BABAM2: variants seen among roughly 807,000 people sequenced by gnomAD.
BABAM2 encodes BRISC and BRCA1 A complex member 2.
In BABAM2, 31 loss-of-function variants were observed where a neutral mutation model predicts 54.7. The ratio of observed to expected loss-of-function variants is 0.57; its 90% CI spans 0.43 to 0.77. The LOEUF (loss-of-function observed/expected upper bound fraction) is 0.77. BABAM2 is among the 30% of genes least tolerant of loss of function. The pLI is 0.00. For missense variants in BABAM2, 364 were observed against 455.8 expected, an observed-to-expected ratio of 0.80 and a Z score of 1.83; for synonymous variants, 167 against 162.9, an observed-to-expected ratio of 1.03 and a Z score of -0.19.
chr2:27,915,438 A>C (rs950257869), intron 2 of BABAM2, among the ~76,000 whole-genome samples: 2 of 152,200 alleles, frequency 1.3e-5, no homozygotes, highest in African/African-American at 2.4e-5. Context: ...TTATTTTACA[A>C]ATGAGAACAC....
At chr2:28,105,025 A>G (rs1451448455) in intron 6 of BABAM2, among the ~76,000 whole-genome samples, 2 of 131,832 alleles carry the variant, frequency 1.5e-5, no homozygotes, top group African/African-American at 2.9e-5. Flanking sequence ...AACATCACAC[A>G]TCGGGGCCTG....
intron 6 of BABAM2, among the ~76,000 whole-genome samples, chr2:28,080,322 G>GA (rs1665052506): frequency 6.6e-6 from 1 of 151,990 alleles, no homozygotes; most frequent in Non-Finnish European, 1.5e-5. Flanking sequence ...CAGCATTTCA[G>GA]AAAAAGCATT....
intron 10 of BABAM2, among the ~76,000 whole-genome samples, chr2:28,259,423 T>C (rs1684299883): frequency 6.6e-6 from 1 of 152,184 alleles, no homozygotes; most frequent in African/African-American, 2.4e-5. Flanking sequence ...GGTCTTGCTA[T>C]GCTGCCCAGG....
chr2:28,144,487 G>A (rs1429642667), intron 7 of BABAM2, among the ~76,000 whole-genome samples: 2 of 152,146 alleles, frequency 1.3e-5, no homozygotes, highest in Admixed American at 1.3e-4. Flanking sequence ...CATGATAGCT[G>A]TAACCATCCA....
rs1684554483 is a variant in BABAM2 at position 28,261,726 on chromosome 2, T to C, written c.934+16864T>C. Among the ~76,000 whole-genome samples, 3 of 151,938 alleles carry C rather than the reference T, an allele frequency of 2.0e-5. No individual in the cohort carries two copies. In the South Asian group the frequency reaches 6.2e-4, roughly 32 times the overall value. On this transcript the variant is annotated intron_variant, in intron 10 of 11. Coordinates refer to ENST00000379624, the MANE Select transcript of BABAM2 (RefSeq NM_199191.3). ...TTCCAGTGTGAGTTTTGTCCTTCCT[T>C]CCTTCTTCCCTTCCTTTCTCTCCCC...
rs1228337173 is a variant in BABAM2, at chr2:28,132,026, A to G, written c.680+2646A>G. Reference sequence around the variant, plus strand: ...CTTGCTAATGAAATAGTCTCACTCTAAAAATCTAACGTGTGGGAAATGATT... The same window carrying G: ...CTTGCTAATGAAATAGTCTCACTCTGAAAATCTAACGTGTGGGAAATGATT... On this transcript the variant is annotated intron_variant, in intron 7 of 11. Transcript: ENST00000379624. 2.0e-5 allele frequency among the ~76,000 whole-genome samples: 3 copies of G among 152,320 alleles called. No individual in the cohort carries two copies. The East Asian group carries it at 5.8e-4, about 29-fold the overall frequency.
chr2:28,182,133 CAGG>C (rs1295136776), intron 7 of BABAM2, among the ~76,000 whole-genome samples: 1 of 152,258 alleles, frequency 6.6e-6, no homozygotes, highest in East Asian at 1.9e-4. Context: ...TAGGGCCTTA[CAGG>C]CCGCTTTAAG....
chr2:28,122,412 A>G (rs1342002470), intron 6 of BABAM2, among the ~76,000 whole-genome samples: 2 of 152,138 alleles, frequency 1.3e-5, no homozygotes, highest in Non-Finnish European at 2.9e-5. Flanking sequence ...AAGGCCAGCA[A>G]ACAAACAAAC....
At chr2:28,082,151 C>G (rs999097792) in intron 6 of BABAM2, among the ~76,000 whole-genome samples, 14 of 152,036 alleles carry the variant, frequency 9.2e-5, no homozygotes, top group African/African-American at 3.1e-4. Flanking sequence ...AGCCATTCAC[C>G]CTGATATCAG....
In BABAM2 at chr2:28,095,303, A is replaced by C. The variant is rs574153071; in HGVS notation, c.571-33968A>C. Reference sequence around the variant, plus strand: ...TGCCTTTCCTCCATGCCCCTACACTAGCCTATACCTTCCCTGGCAGAGCCT... The same window carrying C: ...TGCCTTTCCTCCATGCCCCTACACTCGCCTATACCTTCCCTGGCAGAGCCT... On this transcript the variant is annotated intron_variant, in intron 6 of 11. Transcript: ENST00000379624. 7.2e-5 allele frequency among the ~76,000 whole-genome samples: 11 copies of C among 152,224 alleles called. No homozygotes were observed. In the East Asian group the frequency reaches 1.5e-3, roughly 21 times the overall value.
intron 2 of BABAM2, among the ~76,000 whole-genome samples, chr2:27,900,870 C>A (rs867018418): frequency 6.6e-6 from 1 of 151,796 alleles, no homozygotes; most frequent in Non-Finnish European, 1.5e-5. Context: ...GGTGAAACCC[C>A]GTCTCTACTA....
chr2:28,254,234 T>C (rs992802436), intron 10 of BABAM2, among the ~76,000 whole-genome samples: 1 of 152,166 alleles, frequency 6.6e-6, no homozygotes, highest in Non-Finnish European at 1.5e-5. Context: ...CTGCCCAGGT[T>C]CAAGCAATTC....
At chr2:27,964,026 A>G (rs6708017) in intron 3 of BABAM2, among the ~76,000 whole-genome samples, 12,772 of 152,224 alleles carry the variant, frequency 0.084, 843 homozygotes, top group African/African-American at 0.18. Flanking sequence ...TCTTCAATGT[A>G]GTGCTGTTGA....
rs79627684 is a variant in BABAM2 at position 28,119,216 on chromosome 2, G to A, written c.571-10055G>A. Among the ~76,000 whole-genome samples the A allele has an allele frequency of 7.9e-3, 1,203 of 152,306 alleles. 15 individuals are homozygous for A. Among genetic ancestry groups the A allele is most frequent in the Non-Finnish European group, 0.014 (931 of 68,028 alleles). ...GTCTTGGCAAAAATTGATACTTTAA[G>A]TAAGCCCAGAGGAAGCTTATCAAAT... On this transcript the variant is annotated intron_variant, in intron 6 of 11. Coordinates refer to ENST00000379624, the MANE Select transcript of BABAM2 (RefSeq NM_199191.3).
intron 7 of BABAM2, among the ~76,000 whole-genome samples, chr2:28,216,161 A>C (rs1403070647): frequency 6.6e-6 from 1 of 152,194 alleles, no homozygotes; most frequent in Non-Finnish European, 1.5e-5. Flanking sequence ...GCTTTGACTT[A>C]ATTTTTGTTT....
intron 7 of BABAM2, among the ~76,000 whole-genome samples, chr2:28,176,595 A>T (rs1164820700): frequency 6.8e-6 from 1 of 146,470 alleles, no homozygotes; most frequent in African/African-American, 2.5e-5. Context: ...AAAAAAAAAA[A>T]ACCTCACTGA....
chr2:28,191,974 G>A (rs762279909), intron 7 of BABAM2, among the ~76,000 whole-genome samples: 8 of 152,100 alleles, frequency 5.3e-5, no homozygotes, highest in Non-Finnish European at 8.8e-5. Flanking sequence ...GACAGAAATC[G>A]AAGAGCTGTT....
At chr2:28,176,463 G>C (rs189454161) in intron 7 of BABAM2, among the ~76,000 whole-genome samples, 1 of 149,954 alleles carries the variant, frequency 6.7e-6, no homozygotes, top group East Asian at 2.0e-4. Context: ...CCAGCTACTT[G>C]GGAGGCTGAG....
chr2:28,310,353 T>C (rs1688965258), intron 11 of BABAM2: 1 of 526,772 alleles, frequency 1.9e-6, no homozygotes, highest in East Asian at 3.0e-5. Context: ...CTGGCTCCCC[T>C]GGGGGAGGGG....
Sources: allele counts gnomAD v4.1 joint callset (sites outside exome capture counted in the v4.1 genomes callset), GRCh38; gene constraint gnomAD v4.1.1; transcripts MANE v1.5; gene names NCBI Gene and HGNC (gene_info 2026-07-23, HGNC 2026-07-21).